Variants in NXPH1 observed in about 807,000 individuals in gnomAD.
NXPH1 encodes the protein neurexophilin-1.
NXPH1 carries 5 observed loss-of-function variants against 23.7 expected under a neutral mutation model. The ratio of observed to expected loss-of-function variants is 0.21; its 90% CI spans 0.11 to 0.44. The LOEUF (loss-of-function observed/expected upper bound fraction) is 0.44. Among genes scored for constraint, NXPH1 ranks in the 20% least tolerant of loss-of-function variants. The pLI is 0.99. For synonymous variants in NXPH1, 144 were observed against 122.2 expected (o/e 1.18, Z -1.18); for missense variants, 324 against 321.6 (o/e 1.01, Z -0.06).
At chr7:8,729,213 A>G (rs1780108129) in intron 2 of NXPH1, among the ~76,000 whole-genome samples, 1 of 150,224 alleles carries the variant, frequency 6.7e-6, no homozygotes. Flanking sequence ...TATTGCGTCT[A>G]TTTGATTCTT....
rs145656746 is a variant in NXPH1, at chr7:8,502,918, C to T, written c.54+67151C>T. On this transcript the variant is annotated intron_variant, in intron 2 of 2. Coordinates refer to ENST00000405863, the MANE Select transcript of NXPH1 (RefSeq NM_152745.3). ...GCTGCTGGGTGCTAGGTGGGGCTGG[C>T]CACTTCATGATGCACAAGGTAGTAC... Among the ~76,000 whole-genome samples, 700 of 152,054 alleles carry T rather than the reference C, an allele frequency of 4.6e-3. 21 individuals are homozygous for T. The highest frequency in any genetic ancestry group is 0.043 in the Admixed American group (656 of 15,258).
intron 2 of NXPH1, among the ~76,000 whole-genome samples, chr7:8,544,190 C>T (rs1279890452): frequency 6.6e-6 from 1 of 151,558 alleles, no homozygotes; most frequent in Non-Finnish European, 1.5e-5. Context: ...AACTTTATGT[C>T]ACTCTTTAGA....
intron 2 of NXPH1, among the ~76,000 whole-genome samples, chr7:8,747,045 T>C (rs572366640): frequency 6.6e-6 from 1 of 152,302 alleles, no homozygotes; most frequent in South Asian, 2.1e-4. Context: ...TTGAACAGTG[T>C]TCCAGGTACT....
chr7:8,650,126 G>C (rs1359063795), intron 2 of NXPH1, among the ~76,000 whole-genome samples: 1 of 152,096 alleles, frequency 6.6e-6, no homozygotes, highest in Admixed American at 6.6e-5. Flanking sequence ...CTTTGATTTA[G>C]AGAAAAAATA....
At chr7:8,726,485 C>G (rs892269145) in intron 2 of NXPH1, among the ~76,000 whole-genome samples, 1 of 114,914 alleles carries the variant, frequency 8.7e-6, no homozygotes, top group Non-Finnish European at 1.7e-5. Context: ...TCCCTCCCCC[C>G]TCCCCCCACC....
At chr7:8,690,843 T>C (rs1172994882) in intron 2 of NXPH1, among the ~76,000 whole-genome samples, 1 of 152,208 alleles carries the variant, frequency 6.6e-6, no homozygotes, top group African/African-American at 2.4e-5. Flanking sequence ...CTGCTTCCCT[T>C]TCCTGGCCCA....
intron 2 of NXPH1, among the ~76,000 whole-genome samples, chr7:8,582,575 A>G (rs1395138026): frequency 6.6e-6 from 1 of 152,076 alleles, no homozygotes; most frequent in African/African-American, 2.4e-5. Flanking sequence ...TTTCTGCAGG[A>G]AGGTTATCCT....
chr7:8,575,630 T>C (rs1818739799), intron 2 of NXPH1, among the ~76,000 whole-genome samples: 1 of 152,186 alleles, frequency 6.6e-6, no homozygotes, highest in African/African-American at 2.4e-5. Context: ...AATAGATTTA[T>C]TCCATTTGAA....
In NXPH1 at chr7:8,751,818, G is replaced by A. The variant is rs1226704780; in HGVS notation, c.*49G>A. ...AAGCCTGAGGAATTAAAGGTCATAT[G>A]ACAGGGCTGTTACCTCAAAGAAGAA... On this transcript the variant is annotated 3_prime_UTR_variant, in exon 3 of 3. Coordinates refer to ENST00000405863, the MANE Select transcript of NXPH1 (RefSeq NM_152745.3). This position sits in a 1 kb window ranked among gnomAD's most constrained non-coding sequence, Gnocchi z 4.5. 8 of 1,519,994 alleles carry A rather than the reference G, an allele frequency of 5.3e-6. No individual in the cohort carries two copies. Among genetic ancestry groups the A allele is most frequent in the Non-Finnish European group, 7.1e-6 (8 of 1,131,842 alleles). The allele number at this position is 1,519,994 out of a possible 1,614,324, so 94.2% of individuals were successfully genotyped here. A position where few individuals can be genotyped will look rare whatever the true frequency, so the allele number is the denominator to read the frequency against.
chr7:8,543,487 G>T (rs999436700), intron 2 of NXPH1, among the ~76,000 whole-genome samples: 1 of 151,398 alleles, frequency 6.6e-6, no homozygotes, highest in African/African-American at 2.4e-5. Context: ...AATTACTTGG[G>T]GGTGATTGTA....
intron 2 of NXPH1, among the ~76,000 whole-genome samples, chr7:8,652,685 A>T (rs1820508343): frequency 1.3e-5 from 2 of 152,166 alleles, no homozygotes; most frequent in South Asian, 4.1e-4. Context: ...GCCTTGAATT[A>T]ATCTCTATTT....
chr7:8,561,061 C>A (rs1346388706), intron 2 of NXPH1, among the ~76,000 whole-genome samples: 1 of 151,564 alleles, frequency 6.6e-6, no homozygotes, highest in Non-Finnish European at 1.5e-5. Flanking sequence ...CAATTCTAAG[C>A]CGAAGGGCAG....
rs577318406 is a variant in NXPH1, at chr7:8,559,359, G to A, written c.54+123592G>A. On this transcript the variant is annotated intron_variant, in intron 2 of 2. Transcript: ENST00000405863. ...CTTCTGTCACCTCCCGAGTGTCTTA[G>A]AAGATCTGTATTTACAATTTCCCTT... Among the ~76,000 whole-genome samples the A allele has an allele frequency of 1.7e-4, 26 of 151,846 alleles. No homozygotes were observed. The East Asian group carries it at 4.1e-3, about 24-fold the overall frequency.
chr7:8,565,144 G>A (rs1818517726), intron 2 of NXPH1, among the ~76,000 whole-genome samples: 1 of 151,622 alleles, frequency 6.6e-6, no homozygotes, highest in Non-Finnish European at 1.5e-5. Flanking sequence ...TTTCTTTCTC[G>A]TAGTTTTCAG....
chr7:8,504,281 C>G (rs1368408187), intron 2 of NXPH1, among the ~76,000 whole-genome samples: 2 of 151,988 alleles, frequency 1.3e-5, no homozygotes, highest in African/African-American at 4.8e-5. Flanking sequence ...TCACAAATTC[C>G]TTGAAGACTA....
chr7:8,435,787 G>C lies in NXPH1; in HGVS notation c.54+20G>C, dbSNP rs1816183462. On this transcript the variant is annotated intron_variant, in intron 2 of 2. Coordinates refer to ENST00000405863, the MANE Select transcript of NXPH1 (RefSeq NM_152745.3). The surrounding 1 kb of genome is among the most constrained non-coding windows in gnomAD (Gnocchi z 5.9). Reference sequence around the variant, plus strand: ...TACTTGGTAAGTCTTGGAAGGTTCGGGGCTTTCGCATTTTTACCCCGGCCG... The same window carrying C: ...TACTTGGTAAGTCTTGGAAGGTTCGCGGCTTTCGCATTTTTACCCCGGCCG... 1 of 1,613,446 alleles carries C rather than the reference G, an allele frequency of 6.2e-7. No homozygotes were observed. Among genetic ancestry groups the C allele is most frequent in the Admixed American group, 1.7e-5 (1 of 60,008 alleles).
intron 2 of NXPH1, among the ~76,000 whole-genome samples, chr7:8,581,355 G>A (rs1818867670): frequency 6.6e-6 from 1 of 152,192 alleles, no homozygotes; most frequent in Admixed American, 6.5e-5. Context: ...AGGAAGCCAT[G>A]GCTAGGGTGG....
chr7:8,568,903 C>T (rs1168876908), intron 2 of NXPH1, among the ~76,000 whole-genome samples: 1 of 151,796 alleles, frequency 6.6e-6, no homozygotes, highest in Non-Finnish European at 1.5e-5. Context: ...CTGAGCAATG[C>T]AACAGGGATT....
intron 2 of NXPH1, among the ~76,000 whole-genome samples, chr7:8,508,962 T>C (rs937569011): frequency 3.3e-5 from 5 of 152,108 alleles, no homozygotes; most frequent in Admixed American, 2.0e-4. Flanking sequence ...ACACAATTTC[T>C]TGTGGCATAA....
Sources: allele counts gnomAD v4.1 joint callset (sites outside exome capture counted in the v4.1 genomes callset), GRCh38; gene constraint gnomAD v4.1.1; non-coding constraint Gnocchi (gnomAD v3.1); transcripts MANE v1.5; gene names NCBI Gene and HGNC (gene_info 2026-07-23, HGNC 2026-07-21).